Variants in FRY observed in about 807,000 individuals in gnomAD.
The protein encoded by FRY is FRY microtubule binding protein, also known as protein furry homolog.
In FRY, 128 loss-of-function variants were observed where a neutral mutation model predicts 348.4. The ratio of observed to expected loss-of-function variants is 0.37; its 90% CI spans 0.32 to 0.43. The LOEUF is 0.43. Among genes scored for constraint, FRY ranks in the 20% least tolerant of loss-of-function variants. FRY has a pLI of 1.00. For missense variants in FRY, 2,736 were observed against 3,695.2 expected (o/e 0.74, Z 6.73); for synonymous variants, 1,370 against 1,374.7 (o/e 1.00, Z 0.08).
At chr13:32,093,907 G>C (rs1469289515) in intron 2 of FRY, among the ~76,000 whole-genome samples, 11 of 152,130 alleles carry the variant, frequency 7.2e-5, no homozygotes, top group Non-Finnish European at 2.9e-5. Flanking sequence ...AAATAAAATT[G>C]TACCAAAATA....
chr13:32,136,850 C>A, intron 10 of FRY, 21 bp from the exon 11 acceptor site: 1 of 1,115,504 alleles, frequency 9.0e-7, no homozygotes, highest in Non-Finnish European at 1.4e-6. Context: ...GATCCTGTGA[C>A]CTCCTCTCCT....
At chr13:32,275,072 G>A in intron 56 of FRY, 81 bp downstream of exon 56, 2 of 1,324,104 alleles carry the variant, frequency 1.5e-6, no homozygotes, top group Non-Finnish European at 2.2e-6. Flanking sequence ...TGTTTGCGCT[G>A]TGGTTTGTTT....
intron 50 of FRY, among the ~76,000 whole-genome samples, chr13:32,253,240 TCC>T (rs1363465364): frequency 1.3e-5 from 2 of 152,196 alleles, no homozygotes; most frequent in Non-Finnish European, 2.9e-5. Flanking sequence ...CCATTTGCAA[TCC>T]CTATGTAAAA....
chr13:32,243,931 A>G (rs750642634), intron 46 of FRY, 111 bp from the exon 47 acceptor site: 41 of 1,258,016 alleles, frequency 3.3e-5, no homozygotes, highest in Non-Finnish European at 3.9e-5. Flanking sequence ...ATCTCCTAAA[A>G]AAATAAAAAA....
At chr13:32,143,558 A>G (rs1420045443) in intron 11 of FRY, among the ~76,000 whole-genome samples, 1 of 152,208 alleles carries the variant, frequency 6.6e-6, no homozygotes, top group East Asian at 1.9e-4. Flanking sequence ...CAGTTAAACT[A>G]GAGATCTCGG....
intron 3 of FRY, among the ~76,000 whole-genome samples, chr13:32,107,573 AC>A (rs1362178374): frequency 2.0e-5 from 3 of 152,178 alleles, no homozygotes; most frequent in African/African-American, 7.2e-5. Context: ...CCTCCTGGCA[AC>A]CATGTGCCAA....
At chr13:32,248,910 T>C (rs1886936282) in intron 48 of FRY, among the ~76,000 whole-genome samples, 1 of 152,136 alleles carries the variant, frequency 6.6e-6, no homozygotes, top group Non-Finnish European at 1.5e-5. Context: ...GGTGTAAAAT[T>C]GACAGTTTCT....
chr13:32,243,267 G>A (rs1455996384), intron 46 of FRY, among the ~76,000 whole-genome samples: 1 of 152,046 alleles, frequency 6.6e-6, no homozygotes, highest in Non-Finnish European at 1.5e-5. Context: ...ACTGCATGAC[G>A]TTTCATTATA....
chr13:32,153,134 T>C (rs1262890332), intron 14 of FRY, among the ~76,000 whole-genome samples: 1 of 152,070 alleles, frequency 6.6e-6, no homozygotes, highest in Admixed American at 6.5e-5. Context: ...TTTAGAAAAA[T>C]TTGGCAATTT....
intron 14 of FRY, 93 bp from the exon 15 acceptor site, chr13:32,155,398 C>T (rs1203963093): frequency 2.3e-6 from 2 of 886,350 alleles, no homozygotes; most frequent in Non-Finnish European, 3.8e-6. Context: ...CATCTACATG[C>T]AATTCAGTCT....
At chr13:32,060,202 A>T (rs985349950) in intron 1 of FRY, among the ~76,000 whole-genome samples, 3 of 152,230 alleles carry the variant, frequency 2.0e-5, no homozygotes, top group Non-Finnish European at 2.9e-5. Flanking sequence ...AATAATGCCC[A>T]TAGAAAGATC....
chr13:32,122,874 G>C (rs955392833), intron 4 of FRY, among the ~76,000 whole-genome samples: 1 of 152,166 alleles, frequency 6.6e-6, no homozygotes, highest in Non-Finnish European at 1.5e-5. Context: ...CAAATCAGTA[G>C]CTCTTCTATA....
intron 3 of FRY, among the ~76,000 whole-genome samples, chr13:32,107,557 C>T (rs1877637348): frequency 6.6e-6 from 1 of 152,154 alleles, no homozygotes; most frequent in African/African-American, 2.4e-5. Flanking sequence ...TGTTATACAG[C>T]ACCTACCTCC....
intron 17 of FRY, among the ~76,000 whole-genome samples, chr13:32,170,027 C>G (rs73167177): frequency 6.6e-6 from 1 of 152,226 alleles, no homozygotes; most frequent in Non-Finnish European, 1.5e-5. Flanking sequence ...AGCAGCATCC[C>G]TAGCTTCTAC....
chr13:32,057,363 G>C (rs557450589), intron 1 of FRY, among the ~76,000 whole-genome samples: 179 of 151,754 alleles, frequency 1.2e-3, no homozygotes, highest in African/African-American at 4.3e-3. Context: ...GTAGAGACAG[G>C]GTTTCACCAT....
At position 32,175,396 on chromosome 13, in the gene FRY, G is replaced by A. The variant is rs146383188; in HGVS notation, c.2335-150G>A. 10 of 684,094 alleles carry A rather than the reference G, an allele frequency of 1.5e-5. No homozygotes were observed. The East Asian group carries it at 2.7e-4, about 18-fold the overall frequency. 42.4% of individuals were successfully genotyped at this position (684,094 alleles called of 1,614,324 possible). On this transcript the variant is annotated intron_variant, in intron 19 of 60. Coordinates refer to ENST00000542859, the MANE Select transcript of FRY (RefSeq NM_023037.3). ...CAGAAACACAGGAGTTTTACTCACT[G>A]CCTTCCACCCTCTGGGCACTCACTT... is the stretch of plus-strand genomic sequence containing the variant.
Position 32,274,918 on chromosome 13 carries a change from C to G in FRY, c.8213C>G (p.Ser2738Cys). The change falls in exon 56 of 61, where the codon TCC becomes TGC. Residue 2738 changes from serine (S) to cysteine (C), a missense_variant. Coordinates refer to ENST00000542859, the MANE Select transcript of FRY (RefSeq NM_023037.3). ...GGAGATAACCTCCGGGGAATCGGAT[C>G]CAAATTTGTCAGCTCTTCCCAGATG... The part of the protein sequence containing the change: ...YLGDNLRGIG[S>C]KFVSSSQMLT... The G allele has an allele frequency of 6.2e-7, 1 of 1,612,852 alleles. No homozygotes were observed. Among genetic ancestry groups the G allele is most frequent in the Non-Finnish European group, 8.5e-7 (1 of 1,178,956 alleles).
intron 2 of FRY, among the ~76,000 whole-genome samples, chr13:32,097,507 C>T (rs776572948): frequency 4.0e-5 from 6 of 151,606 alleles, no homozygotes; most frequent in East Asian, 3.9e-4. Flanking sequence ...ATTACAGGTG[C>T]CCGCCACCAC....
Position 32,179,020 on chromosome 13 carries a change from GC to G in FRY, c.2859del (p.Tyr954ThrfsTer6). Reference protein sequence around the residue: ...IMATTPDGTVSYDNKAIGTPS... With the variant: ...IMATTPDGTVXYDNKAIGTPS... ...GCGACCACACCTGATGGTACAGTGA[GC>G]TACGATAACAAGGTGACATGACATG... is the stretch of plus-strand genomic sequence containing the variant. On this transcript the variant is annotated frameshift_variant, in exon 22 of 61. Transcript: ENST00000542859. LOFTEE classifies it high-confidence loss of function. The G allele has an allele frequency of 6.2e-7, 1 of 1,613,060 alleles. No homozygotes were observed. Among genetic ancestry groups the G allele is most frequent in the Non-Finnish European group, 8.5e-7 (1 of 1,179,046 alleles).
Sources: allele counts gnomAD v4.1 joint callset (sites outside exome capture counted in the v4.1 genomes callset), GRCh38; gene constraint gnomAD v4.1.1; transcripts MANE v1.5; gene names NCBI Gene and HGNC (gene_info 2026-07-23, HGNC 2026-07-21).